ANK2: variants seen among roughly 807,000 people sequenced by gnomAD.
ANK2 encodes the protein ankyrin 2.
Under a neutral mutation model 360.5 loss-of-function variants are expected in ANK2, and 83 were observed. That is an observed-to-expected ratio of 0.23 (90% CI 0.19 to 0.28). The LOEUF (loss-of-function observed/expected upper bound fraction) is 0.28. Ranked by LOEUF, ANK2 falls within the 10% of genes least tolerant of loss-of-function variation. ANK2 has a pLI of 1.00. For missense variants in ANK2, 4,201 were observed against 4,795.7 expected (o/e 0.88, Z 3.66); for synonymous variants, 1,740 against 1,759.5 (o/e 0.99, Z 0.28).
chr4:113,317,406 A>G, intron 24 of ANK2: 1 of 412,060 alleles, frequency 2.4e-6, no homozygotes, highest in Non-Finnish European at 4.6e-6. Context: ...TACTGGCAGT[A>G]ATAAACTACA....
chr4:112,756,163 G>A, the ANK2 span, among the ~76,000 whole-genome samples: 4 of 150,146 alleles, frequency 2.7e-5, no homozygotes, highest in African/African-American at 9.9e-5. Context: ...GTGTGAACCC[G>A]GGAGGCGGAG....
upstream of ANK2, among the ~76,000 whole-genome samples, chr4:113,047,428 G>A (rs1371657163): frequency 6.6e-6 from 1 of 152,158 alleles, no homozygotes; most frequent in African/African-American, 2.4e-5. Context: ...TGCCTCTAGT[G>A]CTCAGTTCCT....
At chr4:112,935,169 C>A (rs901495018) in intron 2 of ANK2, among the ~76,000 whole-genome samples, 1 of 151,804 alleles carries the variant, frequency 6.6e-6, no homozygotes, top group Non-Finnish European at 1.5e-5. Flanking sequence ...GGTGCTAGAA[C>A]ACATAGTGCC....
the ANK2 span, among the ~76,000 whole-genome samples, chr4:112,765,934 A>T: frequency 6.6e-6 from 1 of 152,150 alleles, no homozygotes; most frequent in Non-Finnish European, 1.5e-5. Flanking sequence ...CTTACCTAAA[A>T]TGCTAATAGT....
chr4:113,188,372 T>C (rs1196263047), intron 2 of ANK2, among the ~76,000 whole-genome samples: 2 of 152,152 alleles, frequency 1.3e-5, no homozygotes, highest in African/African-American at 2.4e-5. Context: ...AAGCATCCAC[T>C]CTGCTTTCTA....
the ANK2 span, among the ~76,000 whole-genome samples, chr4:112,732,786 C>T: frequency 6.6e-6 from 1 of 152,152 alleles, no homozygotes; most frequent in Non-Finnish European, 1.5e-5. Context: ...TTCTAAATAA[C>T]ACTCAGTGTT....
chr4:112,723,679 T>G, the ANK2 span, among the ~76,000 whole-genome samples: 1 of 152,102 alleles, frequency 6.6e-6, no homozygotes, highest in African/African-American at 2.4e-5. Flanking sequence ...TTTTTTTAAT[T>G]AGCTGTCTCG....
chr4:113,307,975 G>A (rs923391386), intron 23 of ANK2, among the ~76,000 whole-genome samples: 3 of 152,078 alleles, frequency 2.0e-5, no homozygotes, highest in East Asian at 1.9e-4. Context: ...GGTAACAATC[G>A]GAAGGAAGTT....
In ANK2 at chr4:113,357,325, A is replaced by G; in HGVS notation, c.8707A>G (p.Arg2903Gly). 1 of 1,614,080 alleles carries G rather than the reference A, an allele frequency of 6.2e-7. No homozygotes were observed. Among genetic ancestry groups the G allele is most frequent in the East Asian group, 2.2e-5 (1 of 44,880 alleles). Residue 2903 changes from arginine (R) to glycine (G), a missense_variant, in exon 38 of 46, where the codon AGA (arginine) becomes GGA (glycine). By Grantham distance (125) the Arg-to-Gly change is moderately radical. This residue lies in a region of ANK2 where 2,642 missense variants were observed against 2,714.5 expected (regional missense o/e 0.97). Coordinates refer to ENST00000357077, the MANE Select transcript of ANK2 (RefSeq NM_001148.6). ...CTCATCCATTACTACTCAAACAGAT[A>G]GATTTTCCATGGATGTTCCCGTGTC... ...QDSSITTQTD[R>G]FSMDVPVSDL...
intron 4 of ANK2, among the ~76,000 whole-genome samples, chr4:113,201,498 C>T (rs541840546): frequency 6.6e-6 from 1 of 152,314 alleles, no homozygotes; most frequent in African/African-American, 2.4e-5. Context: ...GATTCAACTA[C>T]ATGACTGAAT....
chr4:113,314,249 A>C (rs1207148056), intron 24 of ANK2, among the ~76,000 whole-genome samples: 2 of 152,346 alleles, frequency 1.3e-5, no homozygotes, highest in African/African-American at 4.8e-5. Flanking sequence ...GAACCACAGA[A>C]GCTTCTTCAT....
the ANK2 span, among the ~76,000 whole-genome samples, chr4:112,791,673 A>G: frequency 1.3e-5 from 2 of 151,304 alleles, no homozygotes; most frequent in African/African-American, 2.4e-5. Context: ...TTGTATTTTT[A>G]GTAGAGACGG....
At chr4:113,183,159 G>T (rs535125722) in intron 2 of ANK2, among the ~76,000 whole-genome samples, 1 of 152,154 alleles carries the variant, frequency 6.6e-6, no homozygotes, top group South Asian at 2.1e-4. Flanking sequence ...AGTTCTAATT[G>T]CTTCTGTTTT....
At chr4:112,714,108 T>A in the ANK2 span, among the ~76,000 whole-genome samples, 1 of 152,246 alleles carries the variant, frequency 6.6e-6, no homozygotes, top group Non-Finnish European at 1.5e-5. Context: ...AGACACTTCT[T>A]TGTGGATTTA....
rs761458371 is a variant in ANK2, at chr4:113,357,793, G to A, written c.9175G>A (p.Val3059Met). The change falls in exon 38 of 46, where the codon GTG (valine) becomes ATG (methionine). Residue 3059 changes from valine (V) to methionine (M), a missense_variant. Physicochemically the swap from Val to Met is conservative, Grantham distance 21. This residue lies in a region of ANK2 where 2,642 missense variants were observed against 2,714.5 expected (regional missense o/e 0.97). Transcript: ENST00000357077. Reference sequence around the variant, plus strand: ...AGACGATGAAGCCTTTGAGGCTCGTGTGAAAGAGGAAGAACAAAAGATATT... The same window carrying A: ...AGACGATGAAGCCTTTGAGGCTCGTATGAAAGAGGAAGAACAAAAGATATT... The part of the protein sequence containing the change: ...REDDEAFEAR[V>M]KEEEQKIFGL... 8 of 1,613,946 alleles carry A rather than the reference G, an allele frequency of 5.0e-6. No individual in the cohort carries two copies. Among genetic ancestry groups the A allele is most frequent in the Non-Finnish European group, 5.9e-6 (7 of 1,179,932 alleles).
chr4:113,265,702 C>T (rs2055590135), intron 14 of ANK2, among the ~76,000 whole-genome samples: 1 of 152,162 alleles, frequency 6.6e-6, no homozygotes, highest in Non-Finnish European at 1.5e-5. Flanking sequence ...CACCAGAATG[C>T]ACTGAATACA....
rs766895872 is a variant in ANK2, at chr4:113,318,575, A to G, written c.2855A>G (p.Glu952Gly). 6.2e-7 allele frequency: 1 copy of G among 1,613,870 alleles called. No individual in the cohort carries two copies. Among genetic ancestry groups the G allele is most frequent in the Non-Finnish European group, 8.5e-7 (1 of 1,179,852 alleles). Residue 952 changes from glutamate to glycine, a missense_variant, in exon 26 of 46, where the codon GAG (glutamate) becomes GGG (glycine). Glu to Gly is a moderately conservative substitution (Grantham distance 98). Transcript: ENST00000357077. Reference sequence around the variant, plus strand: ...TCTTATCGCCTAAGCTGGGGCACTGAGAACTTAGACAACGTGGCTCTTTCT... The same window carrying G: ...TCTTATCGCCTAAGCTGGGGCACTGGGAACTTAGACAACGTGGCTCTTTCT... Reference protein sequence around the residue: ...RNSYRLSWGTENLDNVALSSS... With the variant: ...RNSYRLSWGTGNLDNVALSSS...
At chr4:112,920,218 A>AC (rs2091101001) in intron 2 of ANK2, among the ~76,000 whole-genome samples, 2 of 152,164 alleles carry the variant, frequency 1.3e-5, no homozygotes, top group African/African-American at 4.8e-5. Context: ...TTTATAAGAC[A>AC]CAAAGTCAAT....
chr4:113,184,817 TCATCTA>T (rs1422205420), intron 2 of ANK2, among the ~76,000 whole-genome samples: 19 of 152,154 alleles, frequency 1.2e-4, no homozygotes, highest in African/African-American at 4.3e-4. Flanking sequence ...CATCAACCCA[TCATCTA>T]CATTAGGTAT....
Sources: allele counts gnomAD v4.1 joint callset (sites outside exome capture counted in the v4.1 genomes callset), GRCh38; gene constraint gnomAD v4.1.1; regional missense constraint gnomAD v4.1.1; transcripts MANE v1.5; gene names NCBI Gene and HGNC (gene_info 2026-07-23, HGNC 2026-07-21).